Variants in GUCY1A2 observed in about 807,000 individuals in gnomAD.
The protein encoded by GUCY1A2 is guanylate cyclase soluble subunit alpha-2.
A neutral mutation model predicts 63.5 loss-of-function variants in GUCY1A2; 27 were observed. The ratio of observed to expected loss-of-function variants is 0.43; its 90% confidence interval spans 0.31 to 0.59. The LOEUF (loss-of-function observed/expected upper bound fraction) is 0.59, where lower values mean the gene tolerates loss of function less well. GUCY1A2 is among the 20% of genes least tolerant of loss of function. The pLI, the probability that GUCY1A2 is intolerant of heterozygous loss-of-function variation, is 0.11. For synonymous variants in GUCY1A2, 364 were observed against 343.5 expected (o/e 1.06, Z -0.66); for missense variants, 768 against 913.3 (o/e 0.84, Z 2.05).
intron 6 of GUCY1A2, among the ~76,000 whole-genome samples, chr11:106,774,934 CTT>C (rs1864329104): frequency 6.6e-6 from 1 of 152,058 alleles, no homozygotes; most frequent in Admixed American, 6.5e-5. Context: ...GTTTTCAGCT[CTT>C]TTTATTTCTT....
intron 6 of GUCY1A2, among the ~76,000 whole-genome samples, chr11:106,766,356 T>C (rs939739001): frequency 3.3e-5 from 5 of 152,150 alleles, no homozygotes; most frequent in African/African-American, 9.7e-5. Flanking sequence ...TATTACCAAG[T>C]TGAATGAAGC....
chr11:106,819,586 A>C (rs1209912127), intron 4 of GUCY1A2, among the ~76,000 whole-genome samples: 2 of 152,276 alleles, frequency 1.3e-5, no homozygotes, highest in Non-Finnish European at 2.9e-5. Context: ...TTAGCAATAA[A>C]GTTTTTTTTT....
chr11:106,930,850 C>T (rs145768661), intron 4 of GUCY1A2, among the ~76,000 whole-genome samples: 33 of 152,308 alleles, frequency 2.2e-4, no homozygotes, highest in South Asian at 1.0e-3. Context: ...CCAAGGCAGG[C>T]GGATCACGAG....
intron 4 of GUCY1A2, among the ~76,000 whole-genome samples, chr11:106,930,155 A>G (rs1035005376): frequency 3.3e-5 from 5 of 152,204 alleles, no homozygotes; most frequent in Non-Finnish European, 5.9e-5. Flanking sequence ...TAGTAAACAT[A>G]TTTGTGGAAG....
At chr11:106,888,309 A>C (rs1859926684) in intron 4 of GUCY1A2, among the ~76,000 whole-genome samples, 1 of 151,514 alleles carries the variant, frequency 6.6e-6, no homozygotes, top group Admixed American at 6.6e-5. Context: ...ATACAAAAAA[A>C]AAAAAATTAG....
rs1860989863 is a variant in GUCY1A2 at position 106,956,744 on chromosome 11, G to A, written c.488-16566C>T. Among the ~76,000 whole-genome samples the A allele has an allele frequency of 3.9e-5, 6 of 152,276 alleles. No homozygotes were observed. The South Asian group carries it at 1.2e-3, about 32-fold the overall frequency. On this transcript the variant is annotated intron_variant, in intron 3 of 7. Coordinates refer to ENST00000526355, the MANE Select transcript of GUCY1A2 (RefSeq NM_000855.3). ...ATAGGGTGTCTGACAACCCCTGTTG[G>A]AGGGTCTCACCCAATCGGGTGGCAC...
intron 4 of GUCY1A2, among the ~76,000 whole-genome samples, chr11:106,887,948 T>C (rs1435508774): frequency 6.6e-6 from 1 of 152,162 alleles, no homozygotes; most frequent in Non-Finnish European, 1.5e-5. Context: ...AACTTCATCT[T>C]TGGCCAGTAG....
At chr11:106,786,640 A>C (rs2135409388) in intron 5 of GUCY1A2, among the ~76,000 whole-genome samples, 1 of 152,342 alleles carries the variant, frequency 6.6e-6, no homozygotes, top group East Asian at 1.9e-4. Context: ...TAAAATATCA[A>C]GTCAAAATTT....
intron 6 of GUCY1A2, among the ~76,000 whole-genome samples, chr11:106,749,089 G>A (rs753158268): frequency 6.6e-6 from 1 of 151,930 alleles, no homozygotes; most frequent in African/African-American, 2.4e-5. Flanking sequence ...TTACCATCAT[G>A]TTACAACTGC....
intron 3 of GUCY1A2, among the ~76,000 whole-genome samples, chr11:106,959,526 T>C (rs1861033309): frequency 6.6e-6 from 1 of 152,238 alleles, no homozygotes; most frequent in Non-Finnish European, 1.5e-5. Flanking sequence ...GGAGTGTTTG[T>C]AGCTGTCAGC....
chr11:106,923,802 G>A (rs1326172877), intron 4 of GUCY1A2, among the ~76,000 whole-genome samples: 1 of 151,942 alleles, frequency 6.6e-6, no homozygotes, highest in Non-Finnish European at 1.5e-5. Context: ...ATGAGACAAA[G>A]GTTGAGAAGT....
At chr11:106,838,753 G>GTA in intron 4 of GUCY1A2, among the ~76,000 whole-genome samples, 1 of 152,014 alleles carries the variant, frequency 6.6e-6, no homozygotes, top group East Asian at 1.9e-4. Context: ...ATTTTTTCAT[G>GTA]TCTGTTGGCT....
At chr11:106,889,602 C>T (rs1243926927) in intron 4 of GUCY1A2, among the ~76,000 whole-genome samples, 1 of 152,168 alleles carries the variant, frequency 6.6e-6, no homozygotes. Context: ...TTTTATTTTA[C>T]ACAAGTGCTA....
intron 4 of GUCY1A2, among the ~76,000 whole-genome samples, chr11:106,847,970 A>G (rs1859299017): frequency 6.6e-6 from 1 of 151,676 alleles, no homozygotes; most frequent in African/African-American, 2.4e-5. Context: ...CACTGCAATA[A>G]GAGTGCAAAA....
At chr11:106,904,162 T>C (rs1334357825) in intron 4 of GUCY1A2, among the ~76,000 whole-genome samples, 3 of 152,178 alleles carry the variant, frequency 2.0e-5, no homozygotes, top group Non-Finnish European at 4.4e-5. Flanking sequence ...AATATATAGA[T>C]GTCTGATACC....
At chr11:106,716,503 A>T (rs1255603959) in intron 6 of GUCY1A2, among the ~76,000 whole-genome samples, 5 of 152,086 alleles carry the variant, frequency 3.3e-5, no homozygotes, top group Admixed American at 3.3e-4. Context: ...TTCTTTAGGC[A>T]ATTCGCTTTC....
intron 7 of GUCY1A2, among the ~76,000 whole-genome samples, chr11:106,707,277 C>T (rs1203783557): frequency 1.3e-5 from 2 of 152,064 alleles, no homozygotes; most frequent in Admixed American, 6.6e-5. Flanking sequence ...AATTCCCTCT[C>T]TGGAATTTCT....
At chr11:106,904,212 G>C in intron 4 of GUCY1A2, among the ~76,000 whole-genome samples, 1 of 151,996 alleles carries the variant, frequency 6.6e-6, no homozygotes, top group East Asian at 1.9e-4. Context: ...ACAAAGCTGC[G>C]GCTAATTATC....
chr11:106,874,578 T>C (rs1859724028), intron 4 of GUCY1A2, among the ~76,000 whole-genome samples: 1 of 152,148 alleles, frequency 6.6e-6, no homozygotes, highest in African/African-American at 2.4e-5. Context: ...AATATTTCTA[T>C]AGTGCCACTT....
Sources: allele counts gnomAD v4.1 joint callset (sites outside exome capture counted in the v4.1 genomes callset), GRCh38; gene constraint gnomAD v4.1.1; transcripts MANE v1.5; gene names NCBI Gene and HGNC (gene_info 2026-07-23, HGNC 2026-07-21).